Variants in PLCL1 observed in about 807,000 individuals in gnomAD.
PLCL1 encodes phospholipase C like 1 (inactive).
PLCL1 carries 41 observed loss-of-function variants against 84.4 expected under a neutral mutation model. That is an observed-to-expected ratio of 0.49 (90% CI 0.38 to 0.63). PLCL1 has a LOEUF of 0.63. PLCL1 is among the 30% of genes least tolerant of loss of function. PLCL1 has a pLI of 0.00. For synonymous variants in PLCL1, 490 were observed against 488.3 expected (o/e 1.00, Z -0.05); for missense variants, 1,206 against 1,367.8 (o/e 0.88, Z 1.87).
At chr2:197,976,691 C>A (rs1178708727) in intron 1 of PLCL1, among the ~76,000 whole-genome samples, 2 of 152,204 alleles carry the variant, frequency 1.3e-5, no homozygotes, top group African/African-American at 4.8e-5. Context: ...TCGTGATCCA[C>A]CCACCTTGGC....
intron 1 of PLCL1, among the ~76,000 whole-genome samples, chr2:197,972,756 T>C (rs1004909082): frequency 1.3e-5 from 2 of 152,246 alleles, no homozygotes; most frequent in Admixed American, 1.3e-4. Context: ...TTTTGACATA[T>C]TCACATACTC....
Position 198,084,415 on chromosome 2 carries a change from G to A in PLCL1, c.898G>A (p.Glu300Lys), listed in dbSNP as rs750894486. Reference sequence around the variant, plus strand: ...GGAAAAACTAACCACCCGCGTGACCGAAGAGGAATTTTGTGAAGCTTTTTG... The same window carrying A: ...GGAAAAACTAACCACCCGCGTGACCAAAGAGGAATTTTGTGAAGCTTTTTG... Reference protein sequence around the residue: ...SKEKLTTRVTEEEFCEAFCEL... With the variant: ...SKEKLTTRVTKEEFCEAFCEL... Residue 300 changes from glutamate to lysine, a missense_variant, in exon 2 of 6, where the codon GAA becomes AAA. Physicochemically the swap from Glu to Lys is moderately conservative, Grantham distance 56. Transcript: ENST00000428675. 8 of 1,613,998 alleles carry A rather than the reference G, an allele frequency of 5.0e-6. No homozygotes were observed. The African/African-American group carries it at 6.7e-5, about 13-fold the overall frequency.
At chr2:198,073,972 T>C (rs1372995257) in intron 1 of PLCL1, among the ~76,000 whole-genome samples, 1 of 152,234 alleles carries the variant, frequency 6.6e-6, no homozygotes, top group East Asian at 1.9e-4. Flanking sequence ...TATAAAATGT[T>C]TTTAAAAAGT....
chr2:197,969,700 C>G (rs1336484728), intron 1 of PLCL1, among the ~76,000 whole-genome samples: 1 of 152,182 alleles, frequency 6.6e-6, no homozygotes, highest in Non-Finnish European at 1.5e-5. Context: ...ATTGTACTTT[C>G]CACCATCTTT....
intron 1 of PLCL1, among the ~76,000 whole-genome samples, chr2:198,019,357 A>T (rs1159813163): frequency 6.6e-6 from 1 of 152,234 alleles, no homozygotes; most frequent in Non-Finnish European, 1.5e-5. Flanking sequence ...CTTGCCAGGA[A>T]TGGGAACAAA....
intron 1 of PLCL1, among the ~76,000 whole-genome samples, chr2:197,869,725 T>G (rs193171342): frequency 2.4e-4 from 36 of 152,284 alleles, no homozygotes; most frequent in African/African-American, 8.7e-4. Flanking sequence ...TGAAAGAAGT[T>G]TTGATGTTAT....
chr2:198,071,692 G>A (rs997029280), intron 1 of PLCL1, among the ~76,000 whole-genome samples: 3 of 151,614 alleles, frequency 2.0e-5, no homozygotes, highest in Non-Finnish European at 3.0e-5. Flanking sequence ...AATATTTCCA[G>A]TTTCAATTTT....
chr2:197,980,789 C>A (rs1690089737), intron 1 of PLCL1, among the ~76,000 whole-genome samples: 1 of 152,090 alleles, frequency 6.6e-6, no homozygotes. Context: ...AGGGCCTGTC[C>A]TGAGCATTTA....
chr2:197,963,806 A>G (rs115253974), intron 1 of PLCL1, among the ~76,000 whole-genome samples: 3,171 of 152,118 alleles, frequency 0.021, 47 homozygotes, highest in Non-Finnish European at 0.032. Flanking sequence ...CTGCATGTGG[A>G]TGGCTATCCA....
At position 197,966,937 on chromosome 2, in the gene PLCL1, G is replaced by A. The variant is rs940510881; in HGVS notation, c.241-116821G>A. On this transcript the variant is annotated intron_variant, in intron 1 of 5. Transcript: ENST00000428675. ...ACAATCTTGGCTCACTGCAAGCTCC[G>A]CCTCCTGGGTTCATGCCATTCTCCT... 4.2e-5 allele frequency among the ~76,000 whole-genome samples: 6 copies of A among 142,284 alleles called. No individual in the cohort carries two copies. In the East Asian group the frequency reaches 6.3e-4, roughly 15 times the overall value. The allele number at this position is 142,284 out of a possible 152,430, so 93.3% of individuals were successfully genotyped here.
chr2:198,140,816 C>T (rs753265235), intron 5 of PLCL1, among the ~76,000 whole-genome samples: 1 of 152,148 alleles, frequency 6.6e-6, no homozygotes, highest in Non-Finnish European at 1.5e-5. Context: ...ATTAGATTCT[C>T]AGGAACTAAA....
At chr2:198,113,347 A>G (rs1574321793) in intron 5 of PLCL1, among the ~76,000 whole-genome samples, 1 of 152,108 alleles carries the variant, frequency 6.6e-6, no homozygotes, top group African/African-American at 2.4e-5. Flanking sequence ...AATTCAACAA[A>G]TGTATCTGTT....
intron 1 of PLCL1, among the ~76,000 whole-genome samples, chr2:197,850,333 T>C: frequency 6.6e-6 from 1 of 152,196 alleles, no homozygotes; most frequent in East Asian, 1.9e-4. Flanking sequence ...GACAGTGAGC[T>C]AAGTGCTTTT....
At chr2:197,959,567 C>T (rs1311756331) in intron 1 of PLCL1, among the ~76,000 whole-genome samples, 5 of 152,002 alleles carry the variant, frequency 3.3e-5, no homozygotes, top group African/African-American at 1.2e-4. Context: ...GTTATAACTA[C>T]ATAATAGATG....
intron 1 of PLCL1, among the ~76,000 whole-genome samples, chr2:197,921,335 C>G (rs567192624): frequency 6.6e-6 from 1 of 152,158 alleles, no homozygotes; most frequent in African/African-American, 2.4e-5. Flanking sequence ...CTTATAATGG[C>G]ATGGAACCTA....
At chr2:197,894,751 C>T (rs539025603) in intron 1 of PLCL1, among the ~76,000 whole-genome samples, 7 of 151,816 alleles carry the variant, frequency 4.6e-5, no homozygotes, top group East Asian at 1.9e-4. Context: ...AGCCAAGTGA[C>T]GATGTATATT....
chr2:197,892,733 A>G (rs920404833), intron 1 of PLCL1, among the ~76,000 whole-genome samples: 1 of 152,118 alleles, frequency 6.6e-6, no homozygotes, highest in Admixed American at 6.5e-5. Context: ...GGTGGCTCAC[A>G]CCTGTAATCC....
At chr2:197,869,540 C>G (rs1574922348) in intron 1 of PLCL1, among the ~76,000 whole-genome samples, 1 of 152,102 alleles carries the variant, frequency 6.6e-6, no homozygotes, top group African/African-American at 2.4e-5. Context: ...CATACTTGTT[C>G]TTTAAATGGT....
Position 198,085,249 on chromosome 2 carries a change from C to A in PLCL1, c.1732C>A (p.Gln578Lys). The A allele has an allele frequency of 6.2e-7, 1 of 1,613,974 alleles. No homozygotes were observed. The highest frequency in any genetic ancestry group is 8.5e-7 in the Non-Finnish European group (1 of 1,179,914). Reference sequence around the variant, plus strand: ...GGTAGATTACAATGGTGAGCAGAAGCAAATCCGACTCTGTAGGGAGCTCTC... The same window carrying A: ...GGTAGATTACAATGGTGAGCAGAAGAAAATCCGACTCTGTAGGGAGCTCTC... ...MSVDYNGEQKQIRLCRELSDL... is the reference protein window; with the variant it reads ...MSVDYNGEQKKIRLCRELSDL... The change falls in exon 2 of 6, where the codon CAA (glutamine) becomes AAA (lysine). Residue 578 changes from glutamine (Q) to lysine (K), a missense_variant. Coordinates refer to ENST00000428675, the MANE Select transcript of PLCL1 (RefSeq NM_006226.4). This position sits in a 1 kb window ranked among gnomAD's most constrained non-coding sequence, Gnocchi z 5.3.
Sources: gnomAD v4.1 joint callset for allele counts (sites outside exome capture counted in the v4.1 genomes callset) on GRCh38, gnomAD v4.1.1 for gene constraint, Gnocchi (gnomAD v3.1) non-coding constraint, MANE v1.5 for transcripts, NCBI Gene and HGNC (gene_info 2026-07-23, HGNC 2026-07-21) for gene names.